The following ILDR2 variants were observed in gnomAD, a reference collection of about 807,000 sequenced individuals.
ILDR2 encodes immunoglobulin like domain containing receptor 2, also known as immunoglobulin-like domain-containing receptor 2.
ILDR2 carries 25 observed loss-of-function variants against 66.8 expected under a neutral mutation model. The observed-to-expected ratio is 0.37, with a 90% CI of 0.27 to 0.52. The LOEUF (loss-of-function observed/expected upper bound fraction) is 0.52, where lower values mean the gene tolerates loss of function less well. Among genes scored for constraint, ILDR2 ranks in the 20% least tolerant of loss-of-function variants. ILDR2 has a pLI of 0.88. For synonymous variants in ILDR2, 367 were observed against 357.2 expected (o/e 1.03, Z -0.31); for missense variants, 827 against 876.8 (o/e 0.94, Z 0.72).
chr1:166,906,489 C>T (rs1446171181), downstream of ILDR2, among the ~76,000 whole-genome samples: 1 of 152,156 alleles, frequency 6.6e-6, no homozygotes, highest in African/African-American at 2.4e-5. Context: ...AGGTATAGAA[C>T]AACACAGTGT....
At chr1:166,955,751 T>C (rs920261296) in intron 3 of ILDR2, among the ~76,000 whole-genome samples, 1 of 152,202 alleles carries the variant, frequency 6.6e-6, no homozygotes, top group African/African-American at 2.4e-5. Context: ...ACTTTCTCCC[T>C]AGGGATTGAG....
Position 166,919,076 on chromosome 1 carries a change from G to T in ILDR2, c.*279C>A, listed in dbSNP as rs1242947066. On this transcript the variant is annotated 3_prime_UTR_variant, in exon 10 of 10. Transcript: ENST00000271417. ...AGTCCTGGTTCTGTTAAGGGAGGAG[G>T]CTGGGCAGGATAAACGCTATAGTTG... The T allele has an allele frequency of 4.2e-6, 2 of 479,658 alleles. No individual in the cohort carries two copies. Among genetic ancestry groups the T allele is most frequent in the African/African-American group, 3.9e-5 (2 of 51,288 alleles). 29.7% of individuals were successfully genotyped at this position (479,658 alleles called of 1,614,324 possible).
At chr1:166,955,120 T>C (rs970115688) in intron 3 of ILDR2, among the ~76,000 whole-genome samples, 1 of 152,220 alleles carries the variant, frequency 6.6e-6, no homozygotes, top group African/African-American at 2.4e-5. Context: ...AGATCCCAGA[T>C]CTGATCTCCC....
chr1:166,896,393 C>G (rs1429365103), intron 2 of ILDR2, among the ~76,000 whole-genome samples: 1 of 151,940 alleles, frequency 6.6e-6, no homozygotes. Context: ...GAGTTGGATG[C>G]CACAAGCTGG....
chr1:166,958,550 T>TA (rs1174581560), intron 1 of ILDR2, among the ~76,000 whole-genome samples: 1 of 152,194 alleles, frequency 6.6e-6, no homozygotes, highest in African/African-American at 2.4e-5. Context: ...TGCCTCCTGT[T>TA]AAACCTGTGG....
chr1:166,960,938 A>G (rs971325726), intron 1 of ILDR2, among the ~76,000 whole-genome samples: 4 of 152,216 alleles, frequency 2.6e-5, no homozygotes, highest in Non-Finnish European at 4.4e-5. Flanking sequence ...GGTAATAAGA[A>G]TGGGACAAGA....
chr1:166,920,470 T>TG (rs1219874931), intron 9 of ILDR2, among the ~76,000 whole-genome samples: 4 of 152,196 alleles, frequency 2.6e-5, no homozygotes, highest in Non-Finnish European at 5.9e-5. Context: ...TTCTGCCTGT[T>TG]TTTCAACTCT....
At chr1:166,964,027 TAG>T (rs1662780422) in intron 1 of ILDR2, among the ~76,000 whole-genome samples, 1 of 151,520 alleles carries the variant, frequency 6.6e-6, no homozygotes, top group Non-Finnish European at 1.5e-5. Context: ...TCTGGAAAAC[TAG>T]AGAGAGGCAC....
intron 2 of ILDR2, among the ~76,000 whole-genome samples, chr1:166,901,946 C>T (rs984889101): frequency 1.1e-4 from 16 of 152,174 alleles, no homozygotes; most frequent in African/African-American, 3.6e-4. Context: ...CTGCAACCTC[C>T]GCCTCCCGGG....
intron 8 of ILDR2, 124 bp downstream of exon 8, chr1:166,922,469 G>T: frequency 1.4e-6 from 1 of 736,538 alleles, no homozygotes; most frequent in Non-Finnish European, 2.4e-6. Context: ...AGAGAGATGT[G>T]TCAGGATAAC....
In ILDR2 at chr1:166,921,023, T is replaced by G. The variant is rs768220953; in HGVS notation, c.1568A>C (p.Lys523Thr). The change falls in exon 9 of 10, where the codon AAA becomes ACA. Residue 523 changes from lysine (K) to threonine (T), a missense_variant. Transcript: ENST00000271417. The surrounding 1 kb of genome is among the most constrained non-coding windows in gnomAD (Gnocchi z 5.3). ...GCTGCCCAGGTACGAGTGGTCGTATTTGGGTGCGGTGCCTGGCGTGCGGCT... is the reference window on the plus strand; with the variant it reads ...GCTGCCCAGGTACGAGTGGTCGTATGTGGGTGCGGTGCCTGGCGTGCGGCT... ...LVSRTPGTAPKYDHSYLGSAR... is the reference protein window; with the variant it reads ...LVSRTPGTAPTYDHSYLGSAR... The G allele has an allele frequency of 1.3e-6, 2 of 1,515,016 alleles. No homozygotes were observed. Among genetic ancestry groups the G allele is most frequent in the African/African-American group, 2.9e-5 (2 of 69,574 alleles). The allele number at this position is 1,515,016 out of a possible 1,614,324, so 93.8% of individuals were successfully genotyped here. A position where few individuals can be genotyped will look rare whatever the true frequency, so the allele number is the denominator to read the frequency against.
chr1:166,908,206 T>A lies in ILDR2; in HGVS notation c.*11149A>T, dbSNP rs547282002. 1.3e-5 allele frequency: 2 copies of A among 152,322 alleles called. No homozygotes were observed. Among genetic ancestry groups the A allele is most frequent in the Admixed American group, 6.5e-5 (1 of 15,298 alleles). The allele number at this position is 152,322 out of a possible 1,614,324, so 9.4% of individuals were successfully genotyped here. ...ACTAGGTGGCTTAAATATCAGAAAT[T>A]TATTTCTCACAGTTCTAGAATCTGG... On this transcript the variant is annotated 3_prime_UTR_variant, in exon 10 of 10. Transcript: ENST00000271417.
At chr1:166,948,003 G>C (rs1661737725) in intron 3 of ILDR2, among the ~76,000 whole-genome samples, 1 of 152,092 alleles carries the variant, frequency 6.6e-6, no homozygotes, top group African/African-American at 2.4e-5. Context: ...AAAATCTTAG[G>C]GCAATTTTTT....
chr1:166,933,000 A>G (rs1258960941), intron 6 of ILDR2, among the ~76,000 whole-genome samples: 2 of 152,066 alleles, frequency 1.3e-5, no homozygotes, highest in Non-Finnish European at 2.9e-5. Context: ...GACCATGAGT[A>G]CAGAAGCATG....
At chr1:166,922,557 C>G (rs770977774) in intron 8 of ILDR2, 36 bp downstream of exon 8, 1 of 1,583,042 alleles carries the variant, frequency 6.3e-7, no homozygotes, top group South Asian at 1.1e-5. Context: ...CTCCTGCCCC[C>G]TCACACCGAC....
chr1:166,920,725 CT>C lies in ILDR2; in HGVS notation c.1865del (p.Lys622ArgfsTer41). On this transcript the variant is annotated frameshift_variant, in exon 9 of 10. Coordinates refer to ENST00000271417, the MANE Select transcript of ILDR2 (RefSeq NM_199351.3). LOFTEE classifies it high-confidence loss of function. The stretch of plus-strand genomic sequence containing the variant: ...GTCTCACGGTTTTCTTGGCGGGCTC[CT>C]TTTTCCTCTTCTTCTCCGAGTTGCT... The part of the protein sequence containing the change: ...YHSNSEKKRK[K>X]EPAKKTNDFP... 24 of 1,437,050 alleles carry C rather than the reference CT, an allele frequency of 1.7e-5. No homozygotes were observed. The highest frequency in any genetic ancestry group is 8.3e-5 in the Admixed American group (3 of 36,070). The allele number at this position is 1,437,050 out of a possible 1,614,324, so 89.0% of individuals were successfully genotyped here. A position where few individuals can be genotyped will look rare whatever the true frequency, so the allele number is the denominator to read the frequency against.
chr1:166,936,663 A>C lies in ILDR2; in HGVS notation c.631T>G (p.Cys211Gly), dbSNP rs1436562369. Residue 211 changes from cysteine to glycine, a missense_variant, in exon 5 of 10, where the codon TGC becomes GGC. Coordinates refer to ENST00000271417, the MANE Select transcript of ILDR2 (RefSeq NM_199351.3). The surrounding 1 kb of genome is among the most constrained non-coding windows in gnomAD (Gnocchi z 5.0). ...TAGCAGCAGCAGCTGTGAGGGCAGC[A>C]CTGGCACCAGCAGATCCCCACCAGG... Reference protein sequence around the residue: ...FVLVGICWCQCCPHSCCCYVR... With the variant: ...FVLVGICWCQGCPHSCCCYVR... 3.7e-6 allele frequency: 6 copies of C among 1,613,950 alleles called. No homozygotes were observed. Among genetic ancestry groups the C allele is most frequent in the Non-Finnish European group, 5.1e-6 (6 of 1,179,986 alleles).
rs755797470 is a variant in ILDR2 at position 166,957,857 on chromosome 1, C to T, written c.291G>A (p.Arg97=). 1.2e-6 allele frequency: 2 copies of T among 1,614,182 alleles called. No individual in the cohort carries two copies. The highest frequency in any genetic ancestry group is 8.5e-7 in the Non-Finnish European group (1 of 1,180,028). The change falls in exon 2 of 10, where the codon AGG becomes AGA. Residue 97 remains arginine, a synonymous_variant. Coordinates refer to ENST00000271417, the MANE Select transcript of ILDR2 (RefSeq NM_199351.3). ...WDPYLDCLDS[R]RTVRVVASKQ... is the part of the protein sequence containing the mutation. ...TTGAAGCTACTACTCGAACAGTCCT[C>T]CTGCTGTCCAAACAATCCAAGTAGG...
At chr1:166,932,096 T>G (rs189247904) in intron 6 of ILDR2, among the ~76,000 whole-genome samples, 1 of 152,260 alleles carries the variant, frequency 6.6e-6, no homozygotes, top group East Asian at 1.9e-4. Context: ...GGATGTACAG[T>G]GGAAGAACAC....
Sources: gnomAD v4.1 joint callset for allele counts (sites outside exome capture counted in the v4.1 genomes callset) on GRCh38, gnomAD v4.1.1 for gene constraint, Gnocchi (gnomAD v3.1) non-coding constraint, MANE v1.5 for transcripts, NCBI Gene and HGNC (gene_info 2026-07-23, HGNC 2026-07-21) for gene names.